SLC36A1: variants seen among roughly 807,000 people sequenced by gnomAD.
SLC36A1 encodes proton-coupled amino acid transporter 1.
In SLC36A1, 30 loss-of-function variants were observed where a neutral mutation model predicts 47.5. That is an observed-to-expected ratio of 0.63 (90% CI 0.47 to 0.86). The LOEUF is 0.86. SLC36A1 is among the 40% of genes least tolerant of loss of function. The pLI is 0.00. For missense variants in SLC36A1, 517 were observed against 606.0 expected (o/e 0.85, Z 1.54); for synonymous variants, 255 against 249.7 (o/e 1.02, Z -0.20).
At chr5:151,471,921 A>C (rs1757361548) in intron 7 of SLC36A1, among the ~76,000 whole-genome samples, 1 of 152,222 alleles carries the variant, frequency 6.6e-6, no homozygotes, top group Non-Finnish European at 1.5e-5. Flanking sequence ...TTTTAATTGA[A>C]GCAACATACA....
chr5:151,510,080 A>G, the SLC36A1 span: 4 of 1,614,074 alleles, frequency 2.5e-6, no homozygotes, highest in African/African-American at 4.0e-5. Flanking sequence ...AGAGGATGCA[A>G]GTTCCACCTT....
chr5:151,395,355 G>A, the SLC36A1 span, among the ~76,000 whole-genome samples: 9 of 152,338 alleles, frequency 5.9e-5, no homozygotes, highest in South Asian at 2.1e-4. Context: ...TGCGCTTCCC[G>A]GGTGAGGTGA....
At chr5:151,391,303 T>G in the SLC36A1 span, among the ~76,000 whole-genome samples, 2 of 152,338 alleles carry the variant, frequency 1.3e-5, no homozygotes, top group South Asian at 4.1e-4. Context: ...GATTTTGGGC[T>G]GAGATGATGG....
At chr5:151,424,724 A>G in the SLC36A1 span, among the ~76,000 whole-genome samples, 1 of 152,060 alleles carries the variant, frequency 6.6e-6, no homozygotes, top group Non-Finnish European at 1.5e-5. Context: ...ATTGTCGAGT[A>G]TTCTAAAGTT....
At chr5:151,407,179 G>A in the SLC36A1 span, among the ~76,000 whole-genome samples, 2 of 152,210 alleles carry the variant, frequency 1.3e-5, no homozygotes, top group Non-Finnish European at 2.9e-5. Flanking sequence ...AAGAGCAAAA[G>A]AACAAAGCTT....
chr5:151,531,947 A>G, the SLC36A1 span: 1 of 1,614,178 alleles, frequency 6.2e-7, no homozygotes, highest in South Asian at 1.1e-5. The surrounding 1 kb of genome is among the most constrained non-coding windows in gnomAD (Gnocchi z 5.7). Flanking sequence ...TCCGGCAGAG[A>G]GTAAACCACC....
the SLC36A1 span, among the ~76,000 whole-genome samples, chr5:151,413,314 G>A: frequency 1.3e-5 from 2 of 148,720 alleles, no homozygotes; most frequent in South Asian, 2.3e-4. Context: ...GTGAAAAATT[G>A]TCTTTGGAGA....
the SLC36A1 span, among the ~76,000 whole-genome samples, chr5:151,520,465 G>A: frequency 6.6e-6 from 1 of 151,516 alleles, no homozygotes; most frequent in African/African-American, 2.4e-5. Context: ...GCTTGGTAGG[G>A]CTGTGGTGCC....
chr5:151,458,746 C>A (rs748164918), intron 1 of SLC36A1, 42 bp from the exon 2 acceptor site: 1 of 1,597,798 alleles, frequency 6.3e-7, no homozygotes, highest in South Asian at 1.1e-5. Context: ...GAGCTAAAGG[C>A]TCCAGCTGCA....
intron 10 of SLC36A1, among the ~76,000 whole-genome samples, chr5:151,486,884 G>A (rs165365): frequency 0.39 from 59,983 of 152,084 alleles, 15,920 homozygotes; most frequent in African/African-American, 0.76. Flanking sequence ...AAAAAGATGA[G>A]TACTAATGAT....
the SLC36A1 span, chr5:151,537,921 T>C: frequency 6.2e-7 from 1 of 1,614,104 alleles, no homozygotes; most frequent in Non-Finnish European, 8.5e-7. Context: ...AAATACATCT[T>C]CATGAACCTT....
At chr5:151,415,844 G>A in the SLC36A1 span, among the ~76,000 whole-genome samples, 1 of 152,174 alleles carries the variant, frequency 6.6e-6, no homozygotes, top group African/African-American at 2.4e-5. Flanking sequence ...AGTGGCTCAT[G>A]TCTGTAATCC....
chr5:151,450,746 TGCTTGATATC>T (rs1561723246), intron 1 of SLC36A1, among the ~76,000 whole-genome samples: 1 of 152,268 alleles, frequency 6.6e-6, no homozygotes, highest in East Asian at 1.9e-4. Flanking sequence ...GTTCTTTAAA[TGCTTGATATC>T]GCTTCAAAGG....
the SLC36A1 span, among the ~76,000 whole-genome samples, chr5:151,365,700 T>C: frequency 6.6e-6 from 1 of 152,222 alleles, no homozygotes; most frequent in East Asian, 1.9e-4. Context: ...TGTTTAAATC[T>C]GACTCCACCC....
At chr5:151,533,757 GAT>G in the SLC36A1 span, among the ~76,000 whole-genome samples, 903 of 150,776 alleles carry the variant, frequency 6.0e-3, 20 homozygotes, top group Admixed American at 0.038. Context: ...ATATATATGT[GAT>G]ATATATATAT....
chr5:151,387,479 C>T, the SLC36A1 span, among the ~76,000 whole-genome samples: 1 of 152,180 alleles, frequency 6.6e-6, no homozygotes. Context: ...GCAAGAGTCT[C>T]ACTCTCTATG....
At chr5:151,516,953 C>CA in the SLC36A1 span, among the ~76,000 whole-genome samples, 1 of 151,844 alleles carries the variant, frequency 6.6e-6, no homozygotes, top group Non-Finnish European at 1.5e-5. Flanking sequence ...TTAAAAAATA[C>CA]AAAAAATAGC....
At chr5:151,471,145 A>T (rs1174419563) in intron 7 of SLC36A1, among the ~76,000 whole-genome samples, 1 of 152,262 alleles carries the variant, frequency 6.6e-6, no homozygotes, top group Admixed American at 6.5e-5. Flanking sequence ...CATTAAATGT[A>T]TGTATAGCGA....
the SLC36A1 span, chr5:151,512,153 C>A: frequency 1.2e-6 from 2 of 1,607,260 alleles, no homozygotes; most frequent in South Asian, 2.2e-5. The surrounding 1 kb of genome is among the most constrained non-coding windows in gnomAD (Gnocchi z 4.1). Flanking sequence ...AGCCTGGCAC[C>A]CCAGCCCTCA....
Sources: allele counts gnomAD v4.1 joint callset (sites outside exome capture counted in the v4.1 genomes callset), GRCh38; gene constraint gnomAD v4.1.1; non-coding constraint Gnocchi (gnomAD v3.1); transcripts MANE v1.5; gene names NCBI Gene and HGNC (gene_info 2026-07-23, HGNC 2026-07-21).